Variants in CCDC57 observed in about 807,000 individuals in gnomAD.
CCDC57 encodes coiled-coil domain containing 57, also known as coiled-coil domain-containing protein 57.
CCDC57 carries 118 observed loss-of-function variants against 118.9 expected under a neutral mutation model. The ratio of observed to expected loss-of-function variants is 0.99; its 90% CI spans 0.86 to 1.16. The LOEUF is 1.16. Ranked by LOEUF, CCDC57 falls within the 50% of genes most tolerant of loss-of-function variation. The probability of loss-of-function intolerance (pLI) is 0.00; values close to 1 mark genes in which losing one functional copy is unlikely to be tolerated. For synonymous variants in CCDC57, 527 were observed against 532.9 expected (o/e 0.99, Z 0.15); for missense variants, 1,300 against 1,320.7 (o/e 0.98, Z 0.24).
At chr17:82,134,131 C>T (rs758136129) in exon 17 of CCDC57, 38 of 1,395,876 alleles carry the variant, frequency 2.7e-5, no homozygotes, top group South Asian at 8.4e-5. Flanking sequence ...CAAAGGCCTC[C>T]TGGGCTCCTC....
At chr17:82,161,706 C>T (rs9898326) in intron 14 of CCDC57, among the ~76,000 whole-genome samples, 71,039 of 151,810 alleles carry the variant, frequency 0.47, 17,422 homozygotes, top group East Asian at 0.88. Flanking sequence ...TTGATTGTGA[C>T]GGGGGTGGAA....
At chr17:82,180,638 G>A (rs1176374166) in intron 9 of CCDC57, among the ~76,000 whole-genome samples, 2 of 152,082 alleles carry the variant, frequency 1.3e-5, no homozygotes, top group East Asian at 1.9e-4. Flanking sequence ...ACCACGCCTA[G>A]CTAATTTTTT....
chr17:82,198,398 G>T, exon 4 of CCDC57: 1 of 1,611,916 alleles, frequency 6.2e-7, no homozygotes. Context: ...GTTCCCGGTG[G>T]TGGTCAATCT....
At chr17:82,150,101 CCA>C (rs1262805706) in intron 16 of CCDC57, among the ~76,000 whole-genome samples, 2 of 74,628 alleles carry the variant, frequency 2.7e-5, no homozygotes, top group African/African-American at 4.9e-5. Context: ...AGAACCTGAC[CCA>C]CACCCAGAAC....
chr17:82,141,328 C>T (rs1173171831), intron 16 of CCDC57, among the ~76,000 whole-genome samples: 1 of 152,072 alleles, frequency 6.6e-6, no homozygotes, highest in Non-Finnish European at 1.5e-5. Context: ...GGACTACAGG[C>T]ACCTGCCACC....
intron 15 of CCDC57, among the ~76,000 whole-genome samples, chr17:82,153,214 T>C (rs1299094301): frequency 6.6e-6 from 1 of 152,066 alleles, no homozygotes; most frequent in Non-Finnish European, 1.5e-5. Flanking sequence ...TAAAACAGAT[T>C]GCAGATGGCC....
In CCDC57 at chr17:82,192,216, C is replaced by T. The variant is rs1440613953; in HGVS notation, c.851+1540G>A. ...GTCAGGCTGGTCTCAAACTCCTGAC[C>T]TCAAGTGATCCCCCTGACTCAGCCT... On this transcript the variant is annotated intron_variant, in intron 7 of 19. Transcript: ENST00000665763. This position sits in a 1 kb window ranked among gnomAD's most constrained non-coding sequence, Gnocchi z 4.0. Among the ~76,000 whole-genome samples the T allele has an allele frequency of 6.6e-6, 1 of 151,968 alleles. No homozygotes were observed. The highest frequency in any genetic ancestry group is 1.9e-4 in the East Asian group (1 of 5,186).
At chr17:82,146,254 A>G (rs1449189457) in intron 16 of CCDC57, among the ~76,000 whole-genome samples, 2 of 152,238 alleles carry the variant, frequency 1.3e-5, no homozygotes, top group Non-Finnish European at 2.9e-5. Context: ...GCCATTCTGT[A>G]CTACTTAATG....
chr17:82,129,279 C>G (rs982246569), intron 17 of CCDC57, among the ~76,000 whole-genome samples: 8 of 152,146 alleles, frequency 5.3e-5, no homozygotes, highest in Non-Finnish European at 8.8e-5. Context: ...GATGTCTCCC[C>G]CCTTCTGGAG....
At chr17:82,203,359 A>C (rs1209301333) in intron 2 of CCDC57, among the ~76,000 whole-genome samples, 1 of 152,160 alleles carries the variant, frequency 6.6e-6, no homozygotes, top group Non-Finnish European at 1.5e-5. Context: ...TTTATAAATT[A>C]CCCAGCGTCA....
At chr17:82,167,071 A>G (rs2044081832) in intron 13 of CCDC57, among the ~76,000 whole-genome samples, 1 of 152,220 alleles carries the variant, frequency 6.6e-6, no homozygotes, top group African/African-American at 2.4e-5. Context: ...ACAGAGGAAA[A>G]GAAACTGTCC....
intron 16 of CCDC57, among the ~76,000 whole-genome samples, chr17:82,138,541 C>T (rs1424672420): frequency 2.7e-5 from 4 of 149,242 alleles, no homozygotes; most frequent in African/African-American, 7.4e-5. Context: ...AGGTCTCTAT[C>T]GAAAAAAAAA....
intron 14 of CCDC57, among the ~76,000 whole-genome samples, chr17:82,160,873 C>CAAAAAAAAAA (rs55750984): frequency 1.6e-5 from 1 of 60,868 alleles, no homozygotes; most frequent in African/African-American, 6.8e-5. Context: ...GACTCTGTCT[C>CAAAAAAAAAA]AAAAAAAAAA....
intron 19 of CCDC57, among the ~76,000 whole-genome samples, chr17:82,103,856 G>A (rs531722234): frequency 3.4e-5 from 5 of 145,694 alleles, no homozygotes; most frequent in Admixed American, 3.4e-4. Flanking sequence ...GGCAGGGAGG[G>A]TGAGCTGGCC....
chr17:82,129,898 A>T (rs1402748929), intron 17 of CCDC57, among the ~76,000 whole-genome samples: 2 of 151,674 alleles, frequency 1.3e-5, no homozygotes, highest in South Asian at 4.2e-4. Context: ...CTCAAAAAAT[A>T]AATAAATAAA....
exon 8 of CCDC57, chr17:82,188,227 G>A (rs538186509): frequency 2.8e-5 from 43 of 1,550,404 alleles, no homozygotes; most frequent in Non-Finnish European, 3.7e-5. Context: ...ACTGGTCAAT[G>A]GCAGCGTCCT....
intron 9 of CCDC57, among the ~76,000 whole-genome samples, chr17:82,182,145 A>G (rs999579205): frequency 3.3e-5 from 5 of 152,080 alleles, no homozygotes; most frequent in Non-Finnish European, 7.4e-5. Flanking sequence ...AGTTGAGAAC[A>G]TTATCACAGC....
intron 13 of CCDC57, among the ~76,000 whole-genome samples, chr17:82,169,886 C>G (rs1197976156): frequency 6.6e-6 from 1 of 152,102 alleles, no homozygotes; most frequent in Non-Finnish European, 1.5e-5. Flanking sequence ...ACCAAAGACA[C>G]CAGTGAAGGA....
At chr17:82,110,398 CTG>C (rs1048703464) in intron 19 of CCDC57, among the ~76,000 whole-genome samples, 71 of 152,314 alleles carry the variant, frequency 4.7e-4, no homozygotes, top group African/African-American at 1.5e-3. Flanking sequence ...AAAGAGGTAA[CTG>C]AGAGTAGATG....
Sources: gnomAD v4.1 joint callset for allele counts (sites outside exome capture counted in the v4.1 genomes callset) on GRCh38, gnomAD v4.1.1 for gene constraint, Gnocchi (gnomAD v3.1) non-coding constraint, MANE v1.5 for transcripts, NCBI Gene and HGNC (gene_info 2026-07-23, HGNC 2026-07-21) for gene names.